The following FAS variants were observed in gnomAD, a reference collection of about 807,000 sequenced individuals.
FAS encodes the protein Fas cell surface death receptor.
Under a neutral mutation model 33.2 loss-of-function variants are expected in FAS, and 5 were observed. The observed-to-expected ratio is 0.15, with a 90% CI of 0.08 to 0.32. FAS has a LOEUF of 0.32. FAS is among the 10% of genes least tolerant of loss of function. The probability of loss-of-function intolerance (pLI) is 1.00; values close to 1 mark genes in which losing one functional copy is unlikely to be tolerated. For synonymous variants in FAS, 131 were observed against 130.7 expected, an observed-to-expected ratio of 1.00 and a Z score of -0.01; for missense variants, 339 against 386.0, an observed-to-expected ratio of 0.88 and a Z score of 1.02.
At chr10:88,971,675 T>G (rs1017346836) in intron 1 of FAS, among the ~76,000 whole-genome samples, 5 of 152,220 alleles carry the variant, frequency 3.3e-5, no homozygotes, top group African/African-American at 1.2e-4. Context: ...TTGTAACTAA[T>G]AGGACACGTG....
rs761711502 is a variant in FAS at position 89,016,722 on chromosome 10, A to G, written c.*2272A>G. The G allele has an allele frequency of 1.2e-4, 26 of 223,526 alleles. No individual in the cohort carries two copies. The highest frequency in any genetic ancestry group is 2.0e-4 in the Non-Finnish European group (22 of 112,014). The allele number at this position is 223,526 out of a possible 1,614,324, so 13.8% of individuals were successfully genotyped here. On this transcript the variant is annotated 3_prime_UTR_variant, in exon 9 of 9. Coordinates refer to ENST00000652046, the MANE Select transcript of FAS (RefSeq NM_000043.6). ...TCTCTTTGTGGTGGGCATACTGGGT[A>G]GGAGAATCACCCAAAGGTCACCCAT...
At chr10:89,009,069 CACTG>C in intron 4 of FAS, 72 bp downstream of exon 4, 2 of 1,329,512 alleles carry the variant, frequency 1.5e-6, no homozygotes, top group Non-Finnish European at 2.2e-6. Context: ...AGGGAAGTAA[CACTG>C]ACTGAGAGTT....
At chr10:89,009,058 T>TA (rs961526859) in intron 4 of FAS, 61 bp downstream of exon 4, 33 of 1,418,124 alleles carry the variant, frequency 2.3e-5, no homozygotes, top group Non-Finnish European at 3.2e-5. Flanking sequence ...ATCATTTTCC[T>TA]AGGGAAGTAA....
upstream of FAS, among the ~76,000 whole-genome samples, chr10:88,983,638 A>ACC (rs1325553498): frequency 9.7e-6 from 1 of 102,848 alleles, no homozygotes; most frequent in African/African-American, 4.7e-5. Context: ...AAAAAAAAAA[A>ACC]ACACACACAC....
At chr10:88,989,986 G>T (rs926415035), upstream of FAS, among the ~76,000 whole-genome samples, 4 of 152,260 alleles carry the variant, frequency 2.6e-5, no homozygotes, top group East Asian at 7.7e-4. Context: ...GAGCACGAAA[G>T]AATTACAAGA....
At chr10:89,008,150 G>A (rs371241139) in intron 3 of FAS, among the ~76,000 whole-genome samples, 7 of 152,058 alleles carry the variant, frequency 4.6e-5, no homozygotes, top group African/African-American at 1.7e-4. Flanking sequence ...TTATATAATG[G>A]TGCTCGTTCA....
At chr10:89,011,583 A>T (rs1321815960) in intron 6 of FAS, among the ~76,000 whole-genome samples, 3 of 152,140 alleles carry the variant, frequency 2.0e-5, no homozygotes, top group Non-Finnish European at 4.4e-5. Context: ...TAATGCATAC[A>T]CCTATTGAGT....
At chr10:88,996,661 G>A (rs898118774) in intron 1 of FAS, among the ~76,000 whole-genome samples, 1 of 152,080 alleles carries the variant, frequency 6.6e-6, no homozygotes, top group Non-Finnish European at 1.5e-5. Flanking sequence ...TAATTAGCTC[G>A]ATTTAGCTAA....
upstream of FAS, among the ~76,000 whole-genome samples, chr10:88,987,069 A>G (rs2133366487): frequency 6.6e-6 from 1 of 152,304 alleles, no homozygotes; most frequent in East Asian, 1.9e-4. Context: ...TTTCCCAAGA[A>G]CCCATACATA....
chr10:89,000,951 C>T (rs982404883), intron 1 of FAS, among the ~76,000 whole-genome samples: 3 of 152,206 alleles, frequency 2.0e-5, no homozygotes, highest in Non-Finnish European at 4.4e-5. Flanking sequence ...GAGGCTGAGG[C>T]AGGAGAATTG....
chr10:89,003,014 G>A lies in FAS; in HGVS notation c.31-15G>A. On this transcript the variant is annotated splice_polypyrimidine_tract_variant and intron_variant, in intron 1 of 8. Coordinates refer to ENST00000652046, the MANE Select transcript of FAS (RefSeq NM_000043.6). ...CAGAAATCAATAAAATTCTCTTCAT[G>A]CTTTTATTTTACAGGTTCTTACGTC... is the stretch of plus-strand genomic sequence containing the variant. 1 of 1,613,882 alleles carries A rather than the reference G, an allele frequency of 6.2e-7. No homozygotes were observed. The highest frequency in any genetic ancestry group is 8.5e-7 in the Non-Finnish European group (1 of 1,179,836).
chr10:88,973,255 C>A (rs529808952), exon 2 of FAS: 10 of 1,612,300 alleles, frequency 6.2e-6, no homozygotes, highest in East Asian at 2.2e-5. Context: ...GGCTATGGAC[C>A]AAATGGATTC....
At chr10:88,967,241 G>C (rs1475517206) in intron 1 of FAS, among the ~76,000 whole-genome samples, 1 of 152,148 alleles carries the variant, frequency 6.6e-6, no homozygotes, top group East Asian at 1.9e-4. Flanking sequence ...TGGAATTTGA[G>C]ATAGTTGGAA....
chr10:89,012,103 A>G, intron 7 of FAS, 22 bp downstream of exon 7: 1 of 1,586,660 alleles, frequency 6.3e-7, no homozygotes, highest in Non-Finnish European at 8.7e-7. Flanking sequence ...AATAGGTATC[A>G]GCTTTCCTTG....
At position 89,015,983 on chromosome 10, in the gene FAS, A is replaced by C; in HGVS notation, c.*1533A>C. On this transcript the variant is annotated 3_prime_UTR_variant, in exon 9 of 9. Transcript: ENST00000652046. ...GCCAAGAAGACCTCTTCCAAACAGCACATGATTATTCGTCAAACAGTTTCG... is the reference window on the plus strand; with the variant it reads ...GCCAAGAAGACCTCTTCCAAACAGCCCATGATTATTCGTCAAACAGTTTCG... 1 of 258,450 alleles carries C rather than the reference A, an allele frequency of 3.9e-6. No homozygotes were observed. The highest frequency in any genetic ancestry group is 1.0e-4 in the South Asian group (1 of 9,746). 16.0% of individuals were successfully genotyped at this position (258,450 alleles called of 1,614,324 possible).
intron 1 of FAS, among the ~76,000 whole-genome samples, chr10:88,967,126 A>G (rs1268703362): frequency 6.6e-6 from 1 of 152,220 alleles, no homozygotes; most frequent in African/African-American, 2.4e-5. Context: ...CAAGAATTTT[A>G]AAAGCTGCAA....
upstream of FAS, among the ~76,000 whole-genome samples, chr10:88,982,867 A>G (rs72809352): frequency 0.087 from 13,227 of 152,186 alleles, 754 homozygotes; most frequent in Non-Finnish European, 0.12. Flanking sequence ...TAATAATATA[A>G]CTGGCCAAAG....
At chr10:88,995,914 A>G (rs1254078266) in intron 1 of FAS, among the ~76,000 whole-genome samples, 1 of 152,222 alleles carries the variant, frequency 6.6e-6, no homozygotes, top group Non-Finnish European at 1.5e-5. Flanking sequence ...CAATCAGCAG[A>G]TGTACTCAGC....
Position 88,973,349 on chromosome 10 carries a change from T to C in FAS, n.260+2T>C, listed in dbSNP as rs752888525. The C allele has an allele frequency of 2.3e-4, 338 of 1,496,544 alleles. 1 individual carries two copies. Among genetic ancestry groups the C allele is most frequent in the Non-Finnish European group, 2.6e-4 (289 of 1,119,522 alleles). 92.7% of individuals were successfully genotyped at this position (1,496,544 alleles called of 1,614,324 possible). On this transcript the variant is annotated splice_donor_variant and non_coding_transcript_variant, in intron 2 of 3. Transcript: ENST00000688239. ...AAGTGGAATGGAGAAGGTGATTAGG[T>C]AATCCAAGAATTGCCAGGCGAACAA...
Sources: allele counts gnomAD v4.1 joint callset (sites outside exome capture counted in the v4.1 genomes callset), GRCh38; gene constraint gnomAD v4.1.1; transcripts MANE v1.5; gene names NCBI Gene and HGNC (gene_info 2026-07-23, HGNC 2026-07-21).